The following LRRC37A3 variants were observed in gnomAD, a reference collection of about 807,000 sequenced individuals.
The protein encoded by LRRC37A3 is leucine rich repeat containing 37 member A3, also known as leucine-rich repeat-containing protein 37A3.
In LRRC37A3, 25 loss-of-function variants were observed where a neutral mutation model predicts 106.2. That is an observed-to-expected ratio of 0.24 (90% CI 0.17 to 0.33). LRRC37A3 has a LOEUF of 0.33. LRRC37A3 is among the 10% of genes least tolerant of loss of function. The pLI is 1.00. For synonymous variants in LRRC37A3, 305 were observed against 635.8 expected (o/e 0.48, Z 7.83); for missense variants, 712 against 1,644.9 (o/e 0.43, Z 9.81).
At chr17:64,881,128 C>T (rs1402231065) in intron 8 of LRRC37A3, 12 of 700,832 alleles carry the variant, frequency 1.7e-5, no homozygotes, top group Non-Finnish European at 2.6e-5. Context: ...TCGTGAGCCA[C>T]ACATCTCCCC....
Position 64,859,492 on chromosome 17 carries a change from T to A in LRRC37A3, c.4654A>T (p.Ile1552Phe), listed in dbSNP as rs779370120. 112 of 1,611,802 alleles carry A rather than the reference T, an allele frequency of 6.9e-5. 2 individuals are homozygous for A. In the South Asian group the frequency reaches 9.5e-4, roughly 14 times the overall value. The change falls in exon 12 of 15, where the codon ATT becomes TTT. Residue 1552 changes from isoleucine (I) to phenylalanine (F), a missense_variant. Coordinates refer to ENST00000584306, the MANE Select transcript of LRRC37A3 (RefSeq NM_199340.5). ...DTDQWKTENY[I>F]NESTEAQSEQ... is the part of the protein sequence containing the mutation. ...CTCTGGGCTTCTGTGCTCTCATTAA[T>A]GTAGTTCTCAGTCTTCCATTGGTCC...
intron 2 of LRRC37A3, among the ~76,000 whole-genome samples, chr17:64,912,659 T>C (rs571924217): frequency 1.3e-5 from 2 of 151,324 alleles, no homozygotes; most frequent in African/African-American, 4.8e-5. Flanking sequence ...TCATCATCAA[T>C]CATATTAAAT....
intron 8 of LRRC37A3, among the ~76,000 whole-genome samples, chr17:64,876,081 G>A (rs552871374): frequency 1.0e-3 from 155 of 152,270 alleles, no homozygotes; most frequent in African/African-American, 3.7e-3. Flanking sequence ...TGTTGCCCAG[G>A]CTGGTCTCAA....
At chr17:64,858,926 C>T in intron 12 of LRRC37A3, 43 bp from the exon 13 acceptor site, 1 of 1,334,170 alleles carries the variant, frequency 7.5e-7, no homozygotes, top group Non-Finnish European at 1.1e-6. Context: ...TATTCAAAAC[C>T]CCAGTATTCC....
chr17:64,882,559 G>A (rs544131062), intron 8 of LRRC37A3, among the ~76,000 whole-genome samples: 3,339 of 152,130 alleles, frequency 0.022, 142 homozygotes, highest in African/African-American at 0.077. Context: ...AGAAGAAGCT[G>A]CCAGGATTCC....
chr17:64,868,260 G>A (rs553431978), intron 10 of LRRC37A3, among the ~76,000 whole-genome samples: 1 of 152,216 alleles, frequency 6.6e-6, no homozygotes, highest in East Asian at 1.9e-4. Context: ...GGGCCTTTTT[G>A]AGGCATCAGA....
chr17:64,874,887 C>T (rs929937792), intron 8 of LRRC37A3, among the ~76,000 whole-genome samples: 9 of 151,786 alleles, frequency 5.9e-5, no homozygotes, highest in Non-Finnish European at 1.5e-5. Context: ...TAAACAGATG[C>T]TTGAAGGCAG....
intron 12 of LRRC37A3, among the ~76,000 whole-genome samples, chr17:64,859,106 T>C (rs1434318248): frequency 1.3e-5 from 2 of 152,092 alleles, no homozygotes; most frequent in African/African-American, 4.8e-5. Context: ...GCACGTGTCA[T>C]CAACCCAGCT....
intron 2 of LRRC37A3, among the ~76,000 whole-genome samples, chr17:64,915,814 T>C (rs1357202965): frequency 1.3e-5 from 2 of 152,212 alleles, no homozygotes; most frequent in Non-Finnish European, 2.9e-5. Context: ...CAGTAAGAAA[T>C]TGGCCAGGCA....
At chr17:64,869,461 T>C (rs959878328) in intron 8 of LRRC37A3, among the ~76,000 whole-genome samples, 4 of 151,860 alleles carry the variant, frequency 2.6e-5, no homozygotes, top group African/African-American at 7.2e-5. Context: ...AAAGTGACTA[T>C]GTTGGTAGGA....
Position 64,860,070 on chromosome 17 carries a change from A to T in LRRC37A3, c.4076T>A (p.Phe1359Tyr). ...AGGACTCAGGTCTCTTAAGGATGAAAAAGCCCCTTGTGAAGGGGAATTTAT... is the reference window on the plus strand; with the variant it reads ...AGGACTCAGGTCTCTTAAGGATGAATAAGCCCCTTGTGAAGGGGAATTTAT... ...SLINSPSQGA[F>Y]SSLRDLSPQE... Residue 1359 changes from phenylalanine (F) to tyrosine (Y), a missense_variant, in exon 12 of 15, where the codon TTT (phenylalanine) becomes TAT (tyrosine). Coordinates refer to ENST00000584306, the MANE Select transcript of LRRC37A3 (RefSeq NM_199340.5). 6.2e-7 allele frequency: 1 copy of T among 1,613,980 alleles called. No homozygotes were observed. The highest frequency in any genetic ancestry group is 8.5e-7 in the Non-Finnish European group (1 of 1,179,876).
chr17:64,916,415 T>C (rs1974701448), intron 2 of LRRC37A3, among the ~76,000 whole-genome samples: 1 of 151,412 alleles, frequency 6.6e-6, no homozygotes, highest in African/African-American at 2.4e-5. Flanking sequence ...AATAAATAAA[T>C]AAATAAAATA....
intron 4 of LRRC37A3, 57 bp downstream of exon 4, chr17:64,894,591 GA>G: frequency 5.1e-6 from 2 of 389,204 alleles, no homozygotes; most frequent in Admixed American, 6.0e-5. Context: ...AGGCCTCCAG[GA>G]AAAGGCTGCC....
chr17:64,859,968 G>A lies in LRRC37A3; in HGVS notation c.4178C>T (p.Ala1393Val). The change falls in exon 12 of 15, where the codon GCA becomes GTA. Residue 1393 changes from alanine to valine, a missense_variant. Physicochemically the swap from Ala to Val is moderately conservative, Grantham distance 64. Coordinates refer to ENST00000584306, the MANE Select transcript of LRRC37A3 (RefSeq NM_199340.5). ...AACATTTTCTTCAAAGGCATTTCTT[G>A]CAGTTGTGTCTTTTGTATTATTGTT... Reference protein sequence around the residue: ...IENNNTKDTTARNAFEENVFM... With the variant: ...IENNNTKDTTVRNAFEENVFM... The A allele has an allele frequency of 6.2e-7, 1 of 1,613,726 alleles. No individual in the cohort carries two copies. Among genetic ancestry groups the A allele is most frequent in the Non-Finnish European group, 8.5e-7 (1 of 1,179,874 alleles).
At chr17:64,856,322 T>C (rs1598386585) in intron 13 of LRRC37A3, among the ~76,000 whole-genome samples, 1 of 151,796 alleles carries the variant, frequency 6.6e-6, no homozygotes, top group Admixed American at 6.6e-5. Flanking sequence ...GCTCCAGTGA[T>C]CCGCCCACCT....
At chr17:64,893,854 A>G (rs942120500) in intron 4 of LRRC37A3, among the ~76,000 whole-genome samples, 10 of 148,078 alleles carry the variant, frequency 6.8e-5, no homozygotes, top group Non-Finnish European at 1.5e-4. Flanking sequence ...GGGTTTCACC[A>G]TGTTAGCCAG....
chr17:64,910,996 T>C lies in LRRC37A3; in HGVS notation c.-496+7754A>G, dbSNP rs555443746. Among the ~76,000 whole-genome samples the C allele has an allele frequency of 1.1e-3, 163 of 152,284 alleles. 2 individuals are homozygous for C. In the East Asian group the frequency reaches 0.018, roughly 17 times the overall value. ...GTGCTAAGCACTTTAAAATGCATTATTTCATTTTATCCTCAGATCAGCTCC... is the reference window on the plus strand; with the variant it reads ...GTGCTAAGCACTTTAAAATGCATTACTTCATTTTATCCTCAGATCAGCTCC... On this transcript the variant is annotated intron_variant, in intron 2 of 14. Coordinates refer to ENST00000584306, the MANE Select transcript of LRRC37A3 (RefSeq NM_199340.5).
chr17:64,915,332 G>T (rs544177689), intron 2 of LRRC37A3, among the ~76,000 whole-genome samples: 16 of 151,060 alleles, frequency 1.1e-4, no homozygotes, highest in African/African-American at 3.7e-4. Context: ...TGTGAACTTG[G>T]GTTTGTCAGG....
intron 11 of LRRC37A3, 75 bp from the exon 12 acceptor site, chr17:64,861,048 C>T: frequency 1.2e-6 from 2 of 1,607,806 alleles, no homozygotes; most frequent in Non-Finnish European, 1.7e-6. Context: ...GCTGTACACT[C>T]CAGTCACACA....
Sources: allele counts gnomAD v4.1 joint callset (sites outside exome capture counted in the v4.1 genomes callset), GRCh38; gene constraint gnomAD v4.1.1; transcripts MANE v1.5; gene names NCBI Gene and HGNC (gene_info 2026-07-23, HGNC 2026-07-21).